The following MYO1G variants were observed in gnomAD, a reference collection of about 807,000 sequenced individuals.
The protein encoded by MYO1G is unconventional myosin-Ig.
A neutral mutation model predicts 115.3 loss-of-function variants in MYO1G; 65 were observed. The ratio of observed to expected loss-of-function variants is 0.56; its 90% CI spans 0.46 to 0.69. The LOEUF (loss-of-function observed/expected upper bound fraction) is 0.69. Among genes scored for constraint, MYO1G ranks in the 30% least tolerant of loss-of-function variants. The pLI is 0.00. For synonymous variants in MYO1G, 510 were observed against 552.6 expected (o/e 0.92, Z 1.08); for missense variants, 1,204 against 1,393.5 (o/e 0.86, Z 2.16).
chr7:44,975,403 G>C, intron 4 of MYO1G, 81 bp downstream of exon 4: 6 of 1,553,502 alleles, frequency 3.9e-6, no homozygotes, highest in Non-Finnish European at 4.4e-6. Context: ...AAGCTGCACC[G>C]TCGGGATGGG....
At position 44,966,616 on chromosome 7, in the gene MYO1G, T is replaced by C; in HGVS notation, c.1949+56A>G. 6.2e-7 allele frequency: 1 copy of C among 1,603,734 alleles called. No homozygotes were observed. The highest frequency in any genetic ancestry group is 1.1e-5 in the South Asian group (1 of 90,452). On this transcript the variant is annotated intron_variant, in intron 15 of 21. Transcript: ENST00000258787. The surrounding 1 kb of genome is among the most constrained non-coding windows in gnomAD (Gnocchi z 5.0). Reference sequence around the variant, plus strand: ...TTTGGGGACCCTCTGCTCCTACCCCTTGGACTCCACACAGGGACTATGGCC... The same window carrying C: ...TTTGGGGACCCTCTGCTCCTACCCCCTGGACTCCACACAGGGACTATGGCC...
In MYO1G at chr7:44,969,136, T is replaced by A; in HGVS notation, c.1574+277A>T. On this transcript the variant is annotated intron_variant, in intron 12 of 21. Transcript: ENST00000258787. The surrounding 1 kb of genome is among the most constrained non-coding windows in gnomAD (Gnocchi z 5.0). ...AGCCTGAAGCCCCCCACCCCACAGA[T>A]GCTGGTATAGGGTTGGGCCCAGACA... The A allele has an allele frequency of 1.1e-5, 3 of 278,758 alleles. No individual in the cohort carries two copies. Among genetic ancestry groups the A allele is most frequent in the East Asian group, 8.4e-5 (1 of 11,898 alleles). 17.3% of individuals were successfully genotyped at this position (278,758 alleles called of 1,614,324 possible). A position where few individuals can be genotyped will look rare whatever the true frequency, so the allele number is the denominator to read the frequency against.
chr7:44,975,677 A>T, intron 3 of MYO1G, 28 bp from the exon 4 acceptor site: 1 of 1,556,122 alleles, frequency 6.4e-7, no homozygotes, highest in East Asian at 2.3e-5. Context: ...CTGGGTCTTA[A>T]GGCAAAGACT....
rs760936897 is a variant in MYO1G at position 44,967,726 on chromosome 7, G to C, written c.1661C>G (p.Thr554Ser). ...KRLLYNSTDP[T>S]LRAMWPDGQQ... is the part of the protein sequence containing the mutation. ...CCCGTCCGGCCACATGGCCCGTAGAGTGGGGTCCGTGCTGCAGACACAGGC... is the reference window on the plus strand; with the variant it reads ...CCCGTCCGGCCACATGGCCCGTAGACTGGGGTCCGTGCTGCAGACACAGGC... Residue 554 changes from threonine to serine, a missense_variant, in exon 14 of 22, where the codon ACT (threonine) becomes AGT (serine). Coordinates refer to ENST00000258787, the MANE Select transcript of MYO1G (RefSeq NM_033054.3). 1.2e-6 allele frequency: 2 copies of C among 1,613,614 alleles called. No individual in the cohort carries two copies. Among genetic ancestry groups the C allele is most frequent in the African/African-American group, 1.3e-5 (1 of 75,078 alleles).
chr7:44,972,641 C>CTG, intron 5 of MYO1G: 1 of 189,434 alleles, frequency 5.3e-6, no homozygotes, highest in South Asian at 9.0e-5. Flanking sequence ...TCCTAGGGAG[C>CTG]TCCACTTCAG....
chr7:44,967,865 C>CCGTGGTGCCCACGG lies in MYO1G; in HGVS notation c.1649+18_1649+19insCCGTGGGCACCACG. ...CAGGGCCCTGGCCCTCCCTATGGTG[C>CCGTGGTGCCCACGG]CCAGCAAGCCGTGCTCACCTGTTGT... On this transcript the variant is annotated intron_variant, in intron 13 of 21. Coordinates refer to ENST00000258787, the MANE Select transcript of MYO1G (RefSeq NM_033054.3). 1.2e-6 allele frequency: 2 copies of CCGTGGTGCCCACGG among 1,613,684 alleles called. No individual in the cohort carries two copies.
In MYO1G at chr7:44,962,769, G is replaced by C. The variant is rs1347920598; in HGVS notation, c.3027C>G (p.Gly1009=). The C allele has an allele frequency of 1.3e-6, 2 of 1,488,176 alleles. No individual in the cohort carries two copies. Among genetic ancestry groups the C allele is most frequent in the Non-Finnish European group, 1.8e-6 (2 of 1,128,188 alleles). The allele number at this position is 1,488,176 out of a possible 1,614,324, so 92.2% of individuals were successfully genotyped here. A position where few individuals can be genotyped will look rare whatever the true frequency, so the allele number is the denominator to read the frequency against. ...GGCTGGGCCAGAGCAGGGTGAAGGA[G>C]CCGCGAGCGCAGCGGAAATCGGGCT... ...QPEPDFRCAR[G]SFTLLWPSR is the part of the protein sequence containing the mutation. Residue 1009 remains glycine, a synonymous_variant, in exon 22 of 22, where the codon GGC becomes GGG. Transcript: ENST00000258787. This position sits in a 1 kb window ranked among gnomAD's most constrained non-coding sequence, Gnocchi z 5.3.
At position 44,969,709 on chromosome 7, in the gene MYO1G, C is replaced by A. The variant is rs777044357; in HGVS notation, c.1499G>T (p.Arg500Leu). ...HHRHHLHYTS[R>L]QLCPTDKTME... ...CACTGGGACAGCCGGGGGCACCTGGCGGCTGGTGTAGTGTAGGTGATGGCG... is the reference window on the plus strand; with the variant it reads ...CACTGGGACAGCCGGGGGCACCTGGAGGCTGGTGTAGTGTAGGTGATGGCG... Residue 500 changes from arginine to leucine, a missense_variant, in exon 11 of 22, where the codon CGC becomes CTC. Transcript: ENST00000258787. This position sits in a 1 kb window ranked among gnomAD's most constrained non-coding sequence, Gnocchi z 5.0. 2 of 1,611,050 alleles carry A rather than the reference C, an allele frequency of 1.2e-6. No individual in the cohort carries two copies. The highest frequency in any genetic ancestry group is 1.1e-5 in the South Asian group (1 of 90,986).
Position 44,972,227 on chromosome 7 carries a change from T to C in MYO1G, c.619-2A>G, listed in dbSNP as rs142480681. 85 of 1,610,240 alleles carry C rather than the reference T, an allele frequency of 5.3e-5. No individual in the cohort carries two copies. The highest frequency in any genetic ancestry group is 6.8e-5 in the Non-Finnish European group (80 of 1,176,690). On this transcript the variant is annotated splice_acceptor_variant, in intron 5 of 21. Coordinates refer to ENST00000258787, the MANE Select transcript of MYO1G (RefSeq NM_033054.3). LOFTEE classifies it high-confidence loss of function. ...CTTGTCCTCACTGCCTCTCAGCAACTAGAGGACACAGGCATCCTTTAGACA... is the reference window on the plus strand; with the variant it reads ...CTTGTCCTCACTGCCTCTCAGCAACCAGAGGACACAGGCATCCTTTAGACA...
At chr7:44,977,133 C>T (rs1795070128) in intron 1 of MYO1G, 62 bp from the exon 2 acceptor site, 1 of 1,532,718 alleles carries the variant, frequency 6.5e-7, no homozygotes, top group Non-Finnish European at 8.9e-7. Flanking sequence ...AGGCCTTTCG[C>T]CAGAGCCCAT....
At position 44,972,176 on chromosome 7, in the gene MYO1G, C is replaced by T. The variant is rs779921725; in HGVS notation, c.668G>A (p.Arg223Lys). 37 of 1,614,040 alleles carry T rather than the reference C, an allele frequency of 2.3e-5. No individual in the cohort carries two copies. In the South Asian group the frequency reaches 4.0e-4, roughly 17 times the overall value. Reference protein sequence around the residue: ...DKQLHELHLERNPAVYNFTHQ... With the variant: ...DKQLHELHLEKNPAVYNFTHQ... ...TGTGAAATTGTATACAGCAGGGTTT[C>T]TCTCCAAGTGCAGTTCATGCAGCTG... Residue 223 changes from arginine to lysine, a missense_variant, in exon 6 of 22, where the codon AGA becomes AAA. Arg to Lys is a conservative substitution (Grantham distance 26). Coordinates refer to ENST00000258787, the MANE Select transcript of MYO1G (RefSeq NM_033054.3).
chr7:44,970,733 A>T lies in MYO1G; in HGVS notation c.1076T>A (p.Val359Glu). ...CACCCACTCAAACAGCCGCTGGTACACTGCCTGGGGGATAGGAACACCCTG... is the reference window on the plus strand; with the variant it reads ...CACCCACTCAAACAGCCGCTGGTACTCTGCCTGGGGGATAGGAACACCCTG... ...SYARDACAKAVYQRLFEWVVN... is the reference protein window; with the variant it reads ...SYARDACAKAEYQRLFEWVVN... The change falls in exon 9 of 22, where the codon GTG becomes GAG. Residue 359 changes from valine (V) to glutamate (E), a missense_variant. Physicochemically the swap from Val to Glu is moderately radical, Grantham distance 121. Coordinates refer to ENST00000258787, the MANE Select transcript of MYO1G (RefSeq NM_033054.3). 6.2e-7 allele frequency: 1 copy of T among 1,613,976 alleles called. No homozygotes were observed. Among genetic ancestry groups the T allele is most frequent in the East Asian group, 2.2e-5 (1 of 44,874 alleles).
Position 44,972,137 on chromosome 7 carries a change from C to T in MYO1G, c.707G>A (p.Gly236Glu), listed in dbSNP as rs763609190. ...CACACTGTGCACAGTCATGTTGAGTCCTGCTCCCTGGTGTGTGAAATTGTA... is the reference window on the plus strand; with the variant it reads ...CACACTGTGCACAGTCATGTTGAGTTCTGCTCCCTGGTGTGTGAAATTGTA... Reference protein sequence around the residue: ...AVYNFTHQGAGLNMTVHSALD... With the variant: ...AVYNFTHQGAELNMTVHSALD... The change falls in exon 6 of 22, where the codon GGA (glycine) becomes GAA (glutamate). Residue 236 changes from glycine (G) to glutamate (E), a missense_variant. By Grantham distance (98) the Gly-to-Glu change is moderately conservative (BLOSUM62 -2). Transcript: ENST00000258787. 6.2e-6 allele frequency: 10 copies of T among 1,613,950 alleles called. No individual in the cohort carries two copies. The South Asian group carries it at 9.9e-5, about 16-fold the overall frequency.
rs1562825274 is a variant in MYO1G, at chr7:44,962,736, C to A, written c.*3G>T. 1 of 1,455,514 alleles carries A rather than the reference C, an allele frequency of 6.9e-7. No individual in the cohort carries two copies. The highest frequency in any genetic ancestry group is 9.0e-7 in the Non-Finnish European group (1 of 1,114,488). The allele number at this position is 1,455,514 out of a possible 1,614,324, so 90.2% of individuals were successfully genotyped here. On this transcript the variant is annotated 3_prime_UTR_variant, in exon 22 of 22. Transcript: ENST00000258787. This position sits in a 1 kb window ranked among gnomAD's most constrained non-coding sequence, Gnocchi z 5.3. ...GGCCTCGGGGTGCGGCGGGTGCGGG[C>A]GCTCAGCGGCTGGGCCAGAGCAGGG... is the stretch of plus-strand genomic sequence containing the variant.
intron 1 of MYO1G, 25 bp from the exon 2 acceptor site, chr7:44,977,096 A>G: frequency 6.2e-7 from 1 of 1,608,640 alleles, no homozygotes; most frequent in South Asian, 1.1e-5. Context: ...GGTAGGCCTC[A>G]GCACTCACAG....
chr7:44,972,127 C>T lies in MYO1G; in HGVS notation c.717G>A (p.Met239Ile). The T allele has an allele frequency of 6.2e-7, 1 of 1,613,730 alleles. No homozygotes were observed. Among genetic ancestry groups the T allele is most frequent in the Non-Finnish European group, 8.5e-7 (1 of 1,179,660 alleles). The part of the protein sequence containing the change: ...NFTHQGAGLN[M>I]TVHSALDSDE... Reference sequence around the variant, plus strand: ...CCCTCACACTCACACTGTGCACAGTCATGTTGAGTCCTGCTCCCTGGTGTG... The same window carrying T: ...CCCTCACACTCACACTGTGCACAGTTATGTTGAGTCCTGCTCCCTGGTGTG... Residue 239 changes from methionine (M) to isoleucine (I), a missense_variant, in exon 6 of 22, where the codon ATG (methionine) becomes ATA (isoleucine). By Grantham distance (10) the Met-to-Ile change is conservative. Transcript: ENST00000258787.
Position 44,962,709 on chromosome 7 carries a change from GC to G in MYO1G, c.*29del. On this transcript the variant is annotated 3_prime_UTR_variant, in exon 22 of 22. Transcript: ENST00000258787. The surrounding 1 kb of genome is among the most constrained non-coding windows in gnomAD (Gnocchi z 5.3). ...GCAGCGCTGGCGGGGCGGACAATTGGCGGCCTCGGGGTGCGGCGGGTGCGGG... is the reference window on the plus strand; with the variant it reads ...GCAGCGCTGGCGGGGCGGACAATTGGGGCCTCGGGGTGCGGCGGGTGCGGG... 1 of 1,455,272 alleles carries G rather than the reference GC, an allele frequency of 6.9e-7. No homozygotes were observed. Among genetic ancestry groups the G allele is most frequent in the South Asian group, 1.4e-5 (1 of 71,082 alleles). 90.1% of individuals were successfully genotyped at this position (1,455,272 alleles called of 1,614,324 possible).
chr7:44,970,851 C>T lies in MYO1G; in HGVS notation c.1055G>A (p.Arg352Gln), dbSNP rs768375129. The T allele has an allele frequency of 8.7e-6, 14 of 1,613,628 alleles. No homozygotes were observed. The highest frequency in any genetic ancestry group is 5.3e-5 in the African/African-American group (4 of 75,046). The change falls in exon 8 of 22, where the codon CGG (arginine) becomes CAG (glutamine). Residue 352 changes from arginine (R) to glutamine (Q), a missense_variant. Coordinates refer to ENST00000258787, the MANE Select transcript of MYO1G (RefSeq NM_033054.3). Reference protein sequence around the residue: ...GHTAAEASYARDACAKAVYQR... With the variant: ...GHTAAEASYAQDACAKAVYQR... ...CCAAAGTACCTTGGCACAGGCATCCCGGGCATAGCTGGCCTCAGCTGCAGT... is the reference window on the plus strand; with the variant it reads ...CCAAAGTACCTTGGCACAGGCATCCTGGGCATAGCTGGCCTCAGCTGCAGT...
chr7:44,968,190 T>C (rs1562829159), intron 12 of MYO1G, among the ~76,000 whole-genome samples: 1 of 152,084 alleles, frequency 6.6e-6, no homozygotes. Flanking sequence ...ATGAATCGAG[T>C]GGTTAAGCCC....
Sources: gnomAD v4.1 joint callset for allele counts (sites outside exome capture counted in the v4.1 genomes callset) on GRCh38, gnomAD v4.1.1 for gene constraint, Gnocchi (gnomAD v3.1) non-coding constraint, MANE v1.5 for transcripts, NCBI Gene and HGNC (gene_info 2026-07-23, HGNC 2026-07-21) for gene names.